ZNF469: variants seen among roughly 807,000 people sequenced by gnomAD.
The protein encoded by ZNF469 is zinc finger protein 469.
In ZNF469, 1 loss-of-function variant was observed where a neutral mutation model predicts 1.0. The ratio of observed to expected loss-of-function variants is 1.00; its 90% CI spans 0.35 to 4.73. ZNF469 has a LOEUF of 4.73. Ranked by LOEUF, ZNF469 falls within the 30% of genes most tolerant of loss-of-function variation. The probability of loss-of-function intolerance (pLI) is 0.16; values close to 1 mark genes in which losing one functional copy is unlikely to be tolerated. For synonymous variants in ZNF469, 2,703 were observed against 2,363.4 expected (o/e 1.14, Z -4.17); for missense variants, 6,100 against 5,356.3 (o/e 1.14, Z -4.33).
At chr16:88,333,828 G>A in the ZNF469 span, among the ~76,000 whole-genome samples, 79 of 151,206 alleles carry the variant, frequency 5.2e-4, no homozygotes, top group African/African-American at 1.6e-3. Context: ...TGACGGCTGC[G>A]TGGCAGGGGG....
chr16:88,135,526 G>A, the ZNF469 span, among the ~76,000 whole-genome samples: 1 of 152,122 alleles, frequency 6.6e-6, no homozygotes, highest in Admixed American at 6.5e-5. Context: ...TGAAAACTTG[G>A]GGTGTTCGTG....
chr16:88,439,216 C>G lies in ZNF469; in HGVS notation c.11746C>G (p.Pro3916Ala), dbSNP rs1401465191. ...GGGCACAGCTGTCCACGGTGCTGAA[C>G]CTGCCGAGCCACACACCCACCGGAC... ...KRGTAVHGAE[P>A]AEPHTHRTAE... Residue 3916 changes from proline to alanine, a missense_variant, in exon 3 of 3, where the codon CCT becomes GCT. Pro to Ala is a conservative substitution (Grantham distance 27, BLOSUM62 -1). Transcript: ENST00000565624. The G allele has an allele frequency of 6.5e-7, 1 of 1,550,250 alleles. No homozygotes were observed. The highest frequency in any genetic ancestry group is 1.4e-5 in the African/African-American group (1 of 73,180).
At chr16:88,137,728 A>C in the ZNF469 span, among the ~76,000 whole-genome samples, 2 of 152,236 alleles carry the variant, frequency 1.3e-5, no homozygotes, top group South Asian at 4.1e-4. Context: ...GGGAAGGGAA[A>C]GACAGCCAAG....
intron 1 of ZNF469, among the ~76,000 whole-genome samples, chr16:88,416,707 G>A (rs1905311118): frequency 6.6e-6 from 1 of 152,250 alleles, no homozygotes; most frequent in African/African-American, 2.4e-5. Flanking sequence ...GTGATTGGTT[G>A]TTTTAGGGGA....
chr16:88,298,097 A>T, the ZNF469 span, among the ~76,000 whole-genome samples: 49 of 152,302 alleles, frequency 3.2e-4, no homozygotes, highest in Non-Finnish European at 5.6e-4. Context: ...TTAAGACCAG[A>T]ATTGCAGATG....
the ZNF469 span, among the ~76,000 whole-genome samples, chr16:88,256,309 T>C: frequency 2.6e-5 from 4 of 152,240 alleles, no homozygotes; most frequent in South Asian, 2.1e-4. Context: ...ACACACTACG[T>C]AGCTTTTTAA....
At chr16:88,214,920 G>T in the ZNF469 span, among the ~76,000 whole-genome samples, 1 of 152,130 alleles carries the variant, frequency 6.6e-6, no homozygotes, top group Non-Finnish European at 1.5e-5. Flanking sequence ...ACAGACTTAG[G>T]ATTCAAGTAT....
chr16:88,228,579 C>G, the ZNF469 span, among the ~76,000 whole-genome samples: 1 of 152,242 alleles, frequency 6.6e-6, no homozygotes, highest in Admixed American at 6.5e-5. Flanking sequence ...GAAAGCTCAT[C>G]CTGAGTGTCC....
the ZNF469 span, among the ~76,000 whole-genome samples, chr16:88,358,821 C>T: frequency 3.3e-5 from 5 of 151,964 alleles, no homozygotes; most frequent in Admixed American, 1.3e-4. Context: ...CAGGTTCAAG[C>T]GATTCTCCTG....
chr16:88,439,222 G>A lies in ZNF469; in HGVS notation c.11752G>A (p.Glu3918Lys), dbSNP rs1085307510. 1.7e-5 allele frequency: 27 copies of A among 1,550,144 alleles called. No individual in the cohort carries two copies. Among genetic ancestry groups the A allele is most frequent in the African/African-American group, 4.1e-5 (3 of 73,056 alleles). The stretch of plus-strand genomic sequence containing the variant: ...AGCTGTCCACGGTGCTGAACCTGCC[G>A]AGCCACACACCCACCGGACGGCCGA... ...GTAVHGAEPA[E>K]PHTHRTAEAQ... The change falls in exon 3 of 3, where the codon GAG (glutamate) becomes AAG (lysine). Residue 3918 changes from glutamate to lysine, a missense_variant. Physicochemically the swap from Glu to Lys is moderately conservative, Grantham distance 56 (BLOSUM62 1). Transcript: ENST00000565624.
At chr16:88,307,938 A>G in the ZNF469 span, among the ~76,000 whole-genome samples, 1 of 152,098 alleles carries the variant, frequency 6.6e-6, no homozygotes, top group Non-Finnish European at 1.5e-5. Context: ...ATGTATTCCT[A>G]TGTTGTCTTC....
At chr16:88,377,552 G>A in the ZNF469 span, among the ~76,000 whole-genome samples, 8 of 152,186 alleles carry the variant, frequency 5.3e-5, no homozygotes, top group Non-Finnish European at 8.8e-5. Context: ...TCTGAGTCAC[G>A]CGCCACCATC....
chr16:88,162,582 A>G, the ZNF469 span, among the ~76,000 whole-genome samples: 1 of 152,228 alleles, frequency 6.6e-6, no homozygotes, highest in African/African-American at 2.4e-5. Flanking sequence ...ACTGTTTTAT[A>G]AGTCTGCCAA....
chr16:88,297,690 C>T, the ZNF469 span, among the ~76,000 whole-genome samples: 1 of 152,182 alleles, frequency 6.6e-6, no homozygotes. Flanking sequence ...TCTCTGTGGG[C>T]CGGAGCCCCC....
chr16:88,345,567 C>G, the ZNF469 span, among the ~76,000 whole-genome samples: 1 of 151,930 alleles, frequency 6.6e-6, no homozygotes, highest in South Asian at 2.1e-4. Context: ...GACGAGAGGC[C>G]TCTGCAGGCT....
chr16:88,262,687 C>T, the ZNF469 span, among the ~76,000 whole-genome samples: 28 of 152,144 alleles, frequency 1.8e-4, no homozygotes, highest in Admixed American at 1.1e-3. The surrounding 1 kb of genome is among the most constrained non-coding windows in gnomAD (Gnocchi z 4.3). Flanking sequence ...AAGCACAGGC[C>T]GACAATTTCC....
At chr16:88,427,263 G>C (rs545334825) in intron 2 of ZNF469, among the ~76,000 whole-genome samples, 82 bp from the exon 3 acceptor site, 1 of 152,238 alleles carries the variant, frequency 6.6e-6, no homozygotes, top group African/African-American at 2.4e-5. Flanking sequence ...GGCCACACCC[G>C]CATGGAGAGC....
chr16:88,404,217 G>A (rs549109109), intron 1 of ZNF469, among the ~76,000 whole-genome samples: 94 of 152,338 alleles, frequency 6.2e-4, no homozygotes, highest in African/African-American at 2.1e-3. Context: ...GCTGGCCCCT[G>A]GGCAGCCTGG....
chr16:88,136,610 G>C, the ZNF469 span, among the ~76,000 whole-genome samples: 2 of 152,262 alleles, frequency 1.3e-5, no homozygotes, highest in Non-Finnish European at 2.9e-5. Context: ...CCCGCCCGTG[G>C]GGGCCCGTTG....
Sources: gnomAD v4.1 joint callset for allele counts (sites outside exome capture counted in the v4.1 genomes callset) on GRCh38, gnomAD v4.1.1 for gene constraint, Gnocchi (gnomAD v3.1) non-coding constraint, MANE v1.5 for transcripts, NCBI Gene and HGNC (gene_info 2026-07-23, HGNC 2026-07-21) for gene names.